Variants in RPS18 observed in about 807,000 individuals in gnomAD.
The protein encoded by RPS18 is ribosomal protein S18, also known as small ribosomal subunit protein uS13.
For synonymous variants in RPS18, 64 were observed against 70.9 expected (o/e 0.90, Z 0.49); for missense variants, 49 against 200.8 (o/e 0.24, Z 4.57).
Position 33,272,087 on chromosome 6 carries a change from G to C in RPS18, c.-33G>C. ...CGTCACTTCCGCTCTCTCTTCCACA[G>C]GAGGCCTACACGCCGCCGCTTGTGC... On this transcript the variant is annotated 5_prime_UTR_variant, in exon 1 of 6. Coordinates refer to ENST00000439602, the MANE Select transcript of RPS18 (RefSeq NM_022551.3). 6.4e-7 allele frequency: 1 copy of C among 1,564,488 alleles called. No individual in the cohort carries two copies. Among genetic ancestry groups the C allele is most frequent in the Non-Finnish European group, 8.7e-7 (1 of 1,154,364 alleles).
intron 1 of RPS18, 152 bp downstream of exon 1, chr6:33,272,274 T>G: frequency 5.6e-6 from 5 of 889,532 alleles, no homozygotes; most frequent in Non-Finnish European, 7.0e-6. Context: ...ACCAAAGATT[T>G]CCAATTCCGG....
rs1765259902 is a variant in RPS18 at position 33,272,344 on chromosome 6, G to A, written c.3+222G>A. 5 of 616,484 alleles carry A rather than the reference G, an allele frequency of 8.1e-6. No individual in the cohort carries two copies. The Admixed American group carries it at 1.2e-4, about 14-fold the overall frequency. 38.2% of individuals were successfully genotyped at this position (616,484 alleles called of 1,614,324 possible). ...CACGAAAGCTGTCTAAGGCTTGGGC[G>A]TATATGGGGAACTCTGGCTTTTGCC... On this transcript the variant is annotated intron_variant, in intron 1 of 5. Coordinates refer to ENST00000439602, the MANE Select transcript of RPS18 (RefSeq NM_022551.3).
intron 2 of RPS18, among the ~76,000 whole-genome samples, chr6:33,273,561 G>A (rs1312941634): frequency 6.6e-6 from 1 of 152,162 alleles, no homozygotes; most frequent in Non-Finnish European, 1.5e-5. Context: ...AATTTGTAGA[G>A]GGAAATTCCT....
chr6:33,272,574 T>C (rs2150873517), intron 1 of RPS18, 54 bp from the exon 2 acceptor site: 1 of 844,012 alleles, frequency 1.2e-6, no homozygotes, highest in African/African-American at 1.7e-5. Context: ...TTATCGGCCT[T>C]ACTGTTTGAT....
Position 33,273,239 on chromosome 6 carries a change from C to G in RPS18, c.102+513C>G, listed in dbSNP as rs1340150294. Among the ~76,000 whole-genome samples, 5 of 152,290 alleles carry G rather than the reference C, an allele frequency of 3.3e-5. No individual in the cohort carries two copies. In the East Asian group the frequency reaches 9.6e-4, roughly 29 times the overall value. ...ACTCAGATGAGCCATAATTGACACT[C>G]CTTTCCTGTCGAAGTGTGAAGGAGT... On this transcript the variant is annotated intron_variant, in intron 2 of 5. Coordinates refer to ENST00000439602, the MANE Select transcript of RPS18 (RefSeq NM_022551.3).
intron 2 of RPS18, among the ~76,000 whole-genome samples, chr6:33,274,080 G>A (rs1276323948): frequency 6.6e-6 from 1 of 152,112 alleles, no homozygotes; most frequent in Non-Finnish European, 1.5e-5. Flanking sequence ...CACACGCCCA[G>A]CTAATTTTTG....
At chr6:33,273,774 G>A (rs1765439742) in intron 2 of RPS18, among the ~76,000 whole-genome samples, 1 of 152,126 alleles carries the variant, frequency 6.6e-6, no homozygotes, top group African/African-American at 2.4e-5. Context: ...CTTTTCACTT[G>A]TAAACATATA....
At chr6:33,272,216 C>A in intron 1 of RPS18, 94 bp downstream of exon 1, 1 of 1,384,934 alleles carries the variant, frequency 7.2e-7, no homozygotes, top group Non-Finnish European at 1.0e-6. Context: ...GCCCTGAGGG[C>A]CTGCGACTTT....
intron 1 of RPS18, 41 bp downstream of exon 1, chr6:33,272,163 C>T (rs1197165420): frequency 6.4e-7 from 1 of 1,554,414 alleles, no homozygotes; most frequent in Non-Finnish European, 8.7e-7. Flanking sequence ...GGCATCGCAG[C>T]TCGGGCAAGG....
intron 2 of RPS18, among the ~76,000 whole-genome samples, chr6:33,273,582 G>A (rs1361081820): frequency 6.6e-6 from 1 of 152,158 alleles, no homozygotes; most frequent in Non-Finnish European, 1.5e-5. Context: ...TCTGTTGGGT[G>A]CTCTGTGAAA....
rs1765326047 is a variant in RPS18 at position 33,272,838 on chromosome 6, ACTG to A, written c.102+116_102+118del. The stretch of plus-strand genomic sequence containing the variant: ...CTTGAGTCTCATCCAGATCACCTTG[ACTG>A]CTGGATTAAGAAAAGAAAGTGGTTT... On this transcript the variant is annotated intron_variant, in intron 2 of 5. Transcript: ENST00000439602. The A allele has an allele frequency of 4.0e-5, 29 of 724,210 alleles. No individual in the cohort carries two copies. In the South Asian group the frequency reaches 4.2e-4, roughly 10 times the overall value. 44.9% of individuals were successfully genotyped at this position (724,210 alleles called of 1,614,324 possible).
In RPS18 at chr6:33,272,768, T is replaced by G. The variant is rs375195769; in HGVS notation, c.102+42T>G. ...AAGGAATAGGGAATGTAAATGAGAATTGGGTTGTGAAGACATAAGCAAAAA... is the reference window on the plus strand; with the variant it reads ...AAGGAATAGGGAATGTAAATGAGAAGTGGGTTGTGAAGACATAAGCAAAAA... On this transcript the variant is annotated intron_variant, in intron 2 of 5. Transcript: ENST00000439602. The G allele has an allele frequency of 3.1e-4, 315 of 1,008,266 alleles. 1 individual carries two copies. The highest frequency in any genetic ancestry group is 4.4e-4 in the Non-Finnish European group (276 of 626,738). 62.5% of individuals were successfully genotyped at this position (1,008,266 alleles called of 1,614,324 possible).
chr6:33,276,119 A>C, intron 4 of RPS18, 53 bp downstream of exon 4: 2 of 1,606,420 alleles, frequency 1.2e-6, no homozygotes, highest in Non-Finnish European at 1.7e-6. Flanking sequence ...GTCCTAACAG[A>C]ATTGGGCATA....
chr6:33,275,203 C>A (rs1765543924), intron 2 of RPS18: 1 of 154,350 alleles, frequency 6.5e-6, no homozygotes, highest in African/African-American at 2.4e-5. Flanking sequence ...TCAGAAGGCA[C>A]TTAGTGACAA....
chr6:33,272,362 C>T (rs1205891243), intron 1 of RPS18: 1 of 607,726 alleles, frequency 1.6e-6, no homozygotes, highest in Non-Finnish European at 2.9e-6. Context: ...GGAACTCTGG[C>T]TTTTGCCACG....
intron 2 of RPS18, among the ~76,000 whole-genome samples, chr6:33,273,853 G>A (rs976279769): frequency 2.0e-5 from 3 of 152,164 alleles, no homozygotes; most frequent in Non-Finnish European, 2.9e-5. Context: ...GAGGTCAGGA[G>A]TTCGAGACCA....
chr6:33,276,340 C>T, intron 5 of RPS18, 51 bp from the exon 6 acceptor site: 2 of 1,607,750 alleles, frequency 1.2e-6, no homozygotes, highest in South Asian at 2.2e-5. Flanking sequence ...TTTTCCCCAA[C>T]CTTTTGTTTC....
rs773363272 is a variant in RPS18, at chr6:33,276,322, G to A, written c.383+55G>A. 20 of 1,603,974 alleles carry A rather than the reference G, an allele frequency of 1.2e-5. 1 individual carries two copies. Among genetic ancestry groups the A allele is most frequent in the South Asian group, 2.2e-5 (2 of 90,858 alleles). On this transcript the variant is annotated intron_variant, in intron 5 of 5. Transcript: ENST00000439602. ...CCTCGACTCAGCATTCCTCCTACTC[G>A]CTCTTCTTTTTCCCCAACCTTTTGT...
chr6:33,276,083 G>A lies in RPS18; in HGVS notation c.291+17G>A. ...TACAGCCAGGTGTGTACTGAAATGA[G>A]GGCAGGATTAGAGGAAGGGTGGAGG... On this transcript the variant is annotated intron_variant, in intron 4 of 5. Transcript: ENST00000439602. The A allele has an allele frequency of 6.2e-7, 1 of 1,610,466 alleles. No individual in the cohort carries two copies. Among genetic ancestry groups the A allele is most frequent in the Non-Finnish European group, 8.5e-7 (1 of 1,176,800 alleles).
Sources: allele counts gnomAD v4.1 joint callset (sites outside exome capture counted in the v4.1 genomes callset), GRCh38; gene constraint gnomAD v4.1.1; transcripts MANE v1.5; gene names NCBI Gene and HGNC (gene_info 2026-07-23, HGNC 2026-07-21).